ZFP1: variants seen among roughly 807,000 people sequenced by gnomAD.
ZFP1 encodes the protein zinc finger protein 1 homolog.
ZFP1 carries 32 observed loss-of-function variants against 38.5 expected under a neutral mutation model. That is an observed-to-expected ratio of 0.83 (90% CI 0.63 to 1.12). ZFP1 has a LOEUF of 1.12. ZFP1 is among the 50% of genes most tolerant of loss of function. The pLI is 0.00. For synonymous variants in ZFP1, 245 were observed against 168.8 expected, an observed-to-expected ratio of 1.45 and a Z score of -3.50; for missense variants, 616 against 480.8, an observed-to-expected ratio of 1.28 and a Z score of -2.63.
chr16:75,168,378 G>C (rs185561578), intron 3 of ZFP1, among the ~76,000 whole-genome samples: 31 of 152,126 alleles, frequency 2.0e-4, no homozygotes, highest in Admixed American at 7.2e-4. Context: ...CTCATGCCTG[G>C]AATATTGAGA....
In ZFP1 at chr16:75,148,529, T is replaced by A. The variant is rs1373363735; in HGVS notation, c.-158T>A. 1 of 152,122 alleles carries A rather than the reference T, an allele frequency of 6.6e-6. No homozygotes were observed. The highest frequency in any genetic ancestry group is 6.6e-5 in the Admixed American group (1 of 15,232). The allele number at this position is 152,122 out of a possible 1,614,324, so 9.4% of individuals were successfully genotyped here. ...CTGCGAGCGCGCCGGTGGCCGCCCT[T>A]CCCCCACCACCAGCGGCGAGTGGGT... On this transcript the variant is annotated 5_prime_UTR_variant, in exon 1 of 4. Coordinates refer to ENST00000570010, the MANE Select transcript of ZFP1 (RefSeq NM_153688.4).
the ZFP1 span, among the ~76,000 whole-genome samples, chr16:75,122,055 C>G: frequency 6.6e-6 from 1 of 152,162 alleles, no homozygotes; most frequent in African/African-American, 2.4e-5. Context: ...TGCTTATTCC[C>G]CAGTGCCACA....
the ZFP1 span, among the ~76,000 whole-genome samples, chr16:75,130,358 G>A: frequency 3.3e-5 from 5 of 152,258 alleles, no homozygotes; most frequent in African/African-American, 1.2e-4. Context: ...CTTCTCCCCT[G>A]ATTCTTTTTT....
the ZFP1 span, among the ~76,000 whole-genome samples, chr16:75,120,640 C>T: frequency 6.6e-6 from 1 of 151,046 alleles, no homozygotes; most frequent in Non-Finnish European, 1.5e-5. Context: ...TTCACTCTGT[C>T]GCCCAGGCTG....
chr16:75,134,176 G>A, the ZFP1 span, among the ~76,000 whole-genome samples: 1 of 152,182 alleles, frequency 6.6e-6, no homozygotes, highest in African/African-American at 2.4e-5. Flanking sequence ...TAGCGGTGAT[G>A]GTTGTGCAAT....
At chr16:75,159,892 C>A (rs548068726) in intron 2 of ZFP1, among the ~76,000 whole-genome samples, 1 of 152,152 alleles carries the variant, frequency 6.6e-6, no homozygotes, top group African/African-American at 2.4e-5. Flanking sequence ...TGGTCATACT[C>A]CTTTCTCCTA....
chr16:75,137,043 C>G, the ZFP1 span, among the ~76,000 whole-genome samples: 1 of 152,038 alleles, frequency 6.6e-6, no homozygotes, highest in East Asian at 1.9e-4. Context: ...GTTTCTAATG[C>G]CAATCTCCAG....
chr16:75,156,612 G>C (rs1167413193), intron 2 of ZFP1, among the ~76,000 whole-genome samples: 4 of 152,196 alleles, frequency 2.6e-5, no homozygotes, highest in Admixed American at 6.5e-5. Context: ...AAGGTCATGA[G>C]AAGCATGGGG....
At position 75,169,512 on chromosome 16, in the gene ZFP1, T is replaced by C; in HGVS notation, c.402T>C (p.Cys134=). Residue 134 remains cysteine (C), a synonymous_variant, in exon 4 of 4, where the codon TGT becomes TGC. Coordinates refer to ENST00000570010, the MANE Select transcript of ZFP1 (RefSeq NM_153688.4). ...ATGCAGGAAAGCAGACTGATGAGTG[T>C]AATGAATTTGGAAAAGCACTTCTCT... The part of the protein sequence containing the change: ...RSYAGKQTDE[C]NEFGKALLYL... 1.2e-6 allele frequency: 2 copies of C among 1,613,290 alleles called. No individual in the cohort carries two copies. Among genetic ancestry groups the C allele is most frequent in the Non-Finnish European group, 8.5e-7 (1 of 1,179,880 alleles).
Position 75,170,884 on chromosome 16 carries a change from C to T in ZFP1, c.*550C>T, listed in dbSNP as rs941819631. ...AAGTAGCATGGAACCTACGTCTTTC[C>T]CTACTGCTTGCTGGCATATATCAGT... On this transcript the variant is annotated 3_prime_UTR_variant, in exon 4 of 4. Transcript: ENST00000570010. 11 of 141,138 alleles carry T rather than the reference C, an allele frequency of 7.8e-5. No individual in the cohort carries two copies. Among genetic ancestry groups the T allele is most frequent in the Admixed American group, 4.3e-4 (6 of 13,978 alleles). 8.7% of individuals were successfully genotyped at this position (141,138 alleles called of 1,614,324 possible).
chr16:75,140,179 A>T, the ZFP1 span, among the ~76,000 whole-genome samples: 10 of 151,958 alleles, frequency 6.6e-5, no homozygotes, highest in Non-Finnish European at 1.5e-4. Flanking sequence ...GAGGCAGGAG[A>T]ATCTCTTGAA....
the ZFP1 span, among the ~76,000 whole-genome samples, chr16:75,135,233 A>AAAAAAAAAAAAAAAC: frequency 1.5e-4 from 2 of 13,346 alleles, no homozygotes; most frequent in African/African-American, 2.9e-4. Flanking sequence ...AAAAAAAAAA[A>AAAAAAAAAAAAAAAC]CCACTGGAAA....
At chr16:75,146,229 C>A (rs1378198059), upstream of ZFP1, among the ~76,000 whole-genome samples, 1 of 150,628 alleles carries the variant, frequency 6.6e-6, no homozygotes, top group Non-Finnish European at 1.5e-5. Context: ...TTGGTGCAAT[C>A]TCGGCTCACT....
In ZFP1 at chr16:75,154,545, C is replaced by T. The variant is rs181507374; in HGVS notation, c.15+1579C>T. ...CAATGTGGCTGTACCATTTTACATT[C>T]CCACATTCTCACCAGCAATGAATGA... On this transcript the variant is annotated intron_variant, in intron 2 of 3. Transcript: ENST00000570010. Among the ~76,000 whole-genome samples, 1,182 of 149,800 alleles carry T rather than the reference C, an allele frequency of 7.9e-3. 8 individuals carry two copies. Among genetic ancestry groups the T allele is most frequent in the Non-Finnish European group, 0.013 (865 of 67,614 alleles).
the ZFP1 span, among the ~76,000 whole-genome samples, chr16:75,139,885 A>G: frequency 6.6e-6 from 1 of 152,202 alleles, no homozygotes; most frequent in African/African-American, 2.4e-5. Flanking sequence ...GTTGCGCGAT[A>G]TTGTGGATGT....
At chr16:75,163,765 C>G (rs954827596) in intron 2 of ZFP1, among the ~76,000 whole-genome samples, 6 of 151,962 alleles carry the variant, frequency 3.9e-5, no homozygotes, top group Middle Eastern at 3.4e-3. Flanking sequence ...GTGTGCACCA[C>G]CACGTCCAGC....
At chr16:75,122,229 T>G in the ZFP1 span, among the ~76,000 whole-genome samples, 4 of 152,236 alleles carry the variant, frequency 2.6e-5, no homozygotes, top group African/African-American at 9.6e-5. Context: ...TGCTGTGTCG[T>G]TCCCCTATTG....
At chr16:75,152,821 C>G in intron 1 of ZFP1, 88 bp from the exon 2 acceptor site, 1 of 1,264,494 alleles carries the variant, frequency 7.9e-7, no homozygotes, top group Non-Finnish European at 1.1e-6. Flanking sequence ...CCCAGGTGGT[C>G]TCTAGGGGTT....
the ZFP1 span, among the ~76,000 whole-genome samples, chr16:75,120,847 G>T: frequency 6.6e-6 from 1 of 151,854 alleles, no homozygotes; most frequent in Non-Finnish European, 1.5e-5. Flanking sequence ...GGATGGTCTC[G>T]ATCTCCTGAC....
Sources: allele counts gnomAD v4.1 joint callset (sites outside exome capture counted in the v4.1 genomes callset), GRCh38; gene constraint gnomAD v4.1.1; transcripts MANE v1.5; gene names NCBI Gene and HGNC (gene_info 2026-07-23, HGNC 2026-07-21).